DCC: variants seen among roughly 807,000 people sequenced by gnomAD.
DCC encodes DCC netrin 1 receptor.
In DCC, 58 loss-of-function variants were observed where a neutral mutation model predicts 172.5. That is an observed-to-expected ratio of 0.34 (90% CI 0.27 to 0.42). The LOEUF is 0.42. Ranked by LOEUF, DCC falls within the 10% of genes least tolerant of loss-of-function variation. The pLI is 1.00. For synonymous variants in DCC, 709 were observed against 644.5 expected, an observed-to-expected ratio of 1.10 and a Z score of -1.52; for missense variants, 1,740 against 1,791.0, an observed-to-expected ratio of 0.97 and a Z score of 0.51.
chr18:52,547,077 T>C (rs2032637688), intron 1 of DCC, among the ~76,000 whole-genome samples: 1 of 152,126 alleles, frequency 6.6e-6, no homozygotes. Flanking sequence ...AAGTTCCTCA[T>C]CATTAAAATC....
At chr18:52,998,327 A>G (rs954094356) in intron 5 of DCC, among the ~76,000 whole-genome samples, 2 of 152,056 alleles carry the variant, frequency 1.3e-5, no homozygotes, top group Non-Finnish European at 2.9e-5. Flanking sequence ...CATATGGAAG[A>G]CAGTAACTAA....
Position 52,510,641 on chromosome 18 carries a change from A to C in DCC, c.91+169763A>C, listed in dbSNP as rs1262602781. 2.0e-5 allele frequency among the ~76,000 whole-genome samples: 3 copies of C among 152,026 alleles called. No homozygotes were observed. The East Asian group carries it at 5.8e-4, about 29-fold the overall frequency. The stretch of plus-strand genomic sequence containing the variant: ...GAGCCATAGAGAGTGAACTGAGGAA[A>C]CCTCTAATTAAGTCAGCTAATATCA... On this transcript the variant is annotated intron_variant, in intron 1 of 28. Transcript: ENST00000442544.
chr18:53,428,542 AT>A lies in DCC; in HGVS notation c.3164-6601del, dbSNP rs1474388959. ...TTTTATATATTTATGTATTTTATAT[AT>A]ATATAAATATATTTATATATATATT... On this transcript the variant is annotated intron_variant, in intron 21 of 28. Transcript: ENST00000442544. Among the ~76,000 whole-genome samples the A allele has an allele frequency of 2.2e-4, 8 of 35,716 alleles. 1 individual carries two copies. Among genetic ancestry groups the A allele is most frequent in the African/African-American group, 7.5e-4 (8 of 10,712 alleles). 23.4% of individuals were successfully genotyped at this position (35,716 alleles called of 152,430 possible). A position where few individuals can be genotyped will look rare whatever the true frequency, so the allele number is the denominator to read the frequency against.
At chr18:53,132,411 C>T (rs2144323534) in intron 7 of DCC, among the ~76,000 whole-genome samples, 1 of 152,182 alleles carries the variant, frequency 6.6e-6, no homozygotes, top group East Asian at 1.9e-4. Context: ...CAGACATTCA[C>T]ATTTCATCTA....
At chr18:53,140,478 G>GC (rs2043813939) in intron 7 of DCC, among the ~76,000 whole-genome samples, 1 of 152,100 alleles carries the variant, frequency 6.6e-6, no homozygotes, top group Admixed American at 6.6e-5. Flanking sequence ...TCTTAAATAT[G>GC]CCCCCAAATA....
chr18:53,343,457 A>T (rs1229363696), intron 15 of DCC, among the ~76,000 whole-genome samples: 1 of 151,656 alleles, frequency 6.6e-6, no homozygotes, highest in Non-Finnish European at 1.5e-5. Context: ...AATTACATTG[A>T]TTGATTTTTG....
intron 2 of DCC, among the ~76,000 whole-genome samples, chr18:52,795,681 A>C (rs2037861634): frequency 6.6e-6 from 1 of 151,832 alleles, no homozygotes. Flanking sequence ...CTTAAGGTGC[A>C]TTGATAGGTT....
intron 1 of DCC, among the ~76,000 whole-genome samples, chr18:52,453,009 T>A (rs992386184): frequency 1.3e-5 from 2 of 152,258 alleles, no homozygotes; most frequent in African/African-American, 4.8e-5. Flanking sequence ...GGTGCAGCAC[T>A]GTGTGTGCAT....
chr18:53,063,196 A>G (rs2042519940), intron 5 of DCC, 109 bp from the exon 6 acceptor site: 2 of 1,024,948 alleles, frequency 2.0e-6, no homozygotes, highest in Non-Finnish European at 1.5e-6. Flanking sequence ...GATTTGAATT[A>G]TAAATATTTT....
chr18:52,588,061 T>C (rs1399416933), intron 1 of DCC, among the ~76,000 whole-genome samples: 1 of 152,214 alleles, frequency 6.6e-6, no homozygotes, highest in Non-Finnish European at 1.5e-5. Context: ...GACAGGCAGT[T>C]CAGGTTGCAT....
chr18:52,888,543 A>G (rs1281919521), intron 2 of DCC, among the ~76,000 whole-genome samples: 1 of 152,142 alleles, frequency 6.6e-6, no homozygotes, highest in Non-Finnish European at 1.5e-5. Context: ...TTCTAGATCT[A>G]TGTTCTGATT....
intron 5 of DCC, among the ~76,000 whole-genome samples, chr18:52,964,390 A>G (rs1251449215): frequency 6.6e-6 from 1 of 152,202 alleles, no homozygotes; most frequent in Non-Finnish European, 1.5e-5. Flanking sequence ...TAAATTCCAA[A>G]GGAAAAGATA....
chr18:53,063,276 C>A, intron 5 of DCC, 29 bp from the exon 6 acceptor site: 1 of 1,611,248 alleles, frequency 6.2e-7, no homozygotes, highest in Non-Finnish European at 8.5e-7. Flanking sequence ...CCCACCCACT[C>A]ACTCACTTTT....
chr18:52,879,412 C>CCTTTTTTTTT (rs2039447955), intron 2 of DCC, among the ~76,000 whole-genome samples: 1 of 62,356 alleles, frequency 1.6e-5, no homozygotes, highest in Non-Finnish European at 2.9e-5. Context: ...TGTTGTTTGG[C>CCTTTTTTTTT]TTTTTTTTTT....
At chr18:53,219,689 G>A (rs144475000) in intron 12 of DCC, among the ~76,000 whole-genome samples, 3 of 152,144 alleles carry the variant, frequency 2.0e-5, no homozygotes, top group Non-Finnish European at 2.9e-5. Context: ...CAAAGCAACC[G>A]AAGAAAAAGT....
chr18:53,227,635 G>T (rs2056054691), intron 12 of DCC, among the ~76,000 whole-genome samples: 1 of 152,138 alleles, frequency 6.6e-6, no homozygotes, highest in South Asian at 2.1e-4. Context: ...AAAGTATTAA[G>T]GAACAATTCT....
At chr18:52,771,889 AAAAG>A (rs755609207) in intron 2 of DCC, among the ~76,000 whole-genome samples, 4 of 150,716 alleles carry the variant, frequency 2.7e-5, no homozygotes, top group Non-Finnish European at 5.9e-5. Context: ...AAAAAAAAGA[AAAAG>A]AAAGAACAAG....
intron 1 of DCC, among the ~76,000 whole-genome samples, chr18:52,738,746 T>C (rs944538782): frequency 2.1e-5 from 3 of 144,318 alleles, no homozygotes; most frequent in Non-Finnish European, 4.6e-5. Flanking sequence ...TCTTTCTTTG[T>C]TTTTTTTTTT....
intron 1 of DCC, among the ~76,000 whole-genome samples, chr18:52,422,311 C>G (rs1014880847): frequency 6.6e-6 from 1 of 152,158 alleles, no homozygotes; most frequent in Admixed American, 6.6e-5. Flanking sequence ...TATATTTTCT[C>G]TGAGAGATAC....
Sources: gnomAD v4.1 joint callset for allele counts (sites outside exome capture counted in the v4.1 genomes callset) on GRCh38, gnomAD v4.1.1 for gene constraint, MANE v1.5 for transcripts, NCBI Gene and HGNC (gene_info 2026-07-23, HGNC 2026-07-21) for gene names.